The following CSMD1 variants were observed in gnomAD, a reference collection of about 807,000 sequenced individuals.
CSMD1 encodes CUB and sushi domain-containing protein 1.
Under a neutral mutation model 417.5 loss-of-function variants are expected in CSMD1, and 213 were observed. The observed-to-expected ratio is 0.51, with a 90% CI of 0.46 to 0.57. CSMD1 has a LOEUF of 0.57. CSMD1 is among the 20% of genes least tolerant of loss of function. The pLI, the probability that CSMD1 is intolerant of heterozygous loss-of-function variation, is 0.00. For synonymous variants in CSMD1, 2,862 were observed against 1,736.8 expected, an observed-to-expected ratio of 1.65 and a Z score of -16.11; for missense variants, 6,923 against 4,529.7, an observed-to-expected ratio of 1.53 and a Z score of -15.17.
chr8:4,499,310 A>G (rs1585169466), intron 2 of CSMD1, among the ~76,000 whole-genome samples: 2 of 152,232 alleles, frequency 1.3e-5, no homozygotes, highest in African/African-American at 4.8e-5. Context: ...AACGCTTGGG[A>G]TTAAGAACCA....
chr8:4,992,744 C>A (rs1811540079), intron 1 of CSMD1, among the ~76,000 whole-genome samples: 1 of 152,250 alleles, frequency 6.6e-6, no homozygotes, highest in Non-Finnish European at 1.5e-5. Flanking sequence ...CCGCAGCCGG[C>A]AATGTCAGAG....
At chr8:4,968,358 C>CAA (rs2117368710) in intron 1 of CSMD1, among the ~76,000 whole-genome samples, 1 of 151,958 alleles carries the variant, frequency 6.6e-6, no homozygotes, top group African/African-American at 2.4e-5. Context: ...TATCCACGTC[C>CAA]AAAACTTTTT....
At position 4,424,747 on chromosome 8, in the gene CSMD1, G is replaced by T. The variant is rs79057711; in HGVS notation, c.303-4682C>A. Among the ~76,000 whole-genome samples the T allele has an allele frequency of 7.6e-4, 116 of 152,132 alleles. 1 individual carries two copies. The highest frequency in any genetic ancestry group is 2.6e-3 in the African/African-American group (108 of 41,544). ...TTTGCCCTAGAAATGCTCATGATGGGAAACTGTCCCTATCTTCACCATAAT... is the reference window on the plus strand; with the variant it reads ...TTTGCCCTAGAAATGCTCATGATGGTAAACTGTCCCTATCTTCACCATAAT... On this transcript the variant is annotated intron_variant, in intron 2 of 69. Transcript: ENST00000635120.
rs1463251808 is a variant in CSMD1 at position 3,381,312 on chromosome 8, T to A, written c.2782+6182A>T. Among the ~76,000 whole-genome samples the A allele has an allele frequency of 2.0e-5, 3 of 152,086 alleles. No homozygotes were observed. The East Asian group carries it at 5.8e-4, about 29-fold the overall frequency. On this transcript the variant is annotated intron_variant, in intron 18 of 69. Coordinates refer to ENST00000635120, the MANE Select transcript of CSMD1 (RefSeq NM_033225.6). ...AGCTTACACACACCCTATGTTAAAATTCTATTTTTGTCTATAGTCCAAATT... is the reference window on the plus strand; with the variant it reads ...AGCTTACACACACCCTATGTTAAAAATCTATTTTTGTCTATAGTCCAAATT...
chr8:4,509,701 T>C (rs1802714427), intron 2 of CSMD1, among the ~76,000 whole-genome samples: 1 of 152,126 alleles, frequency 6.6e-6, no homozygotes, highest in African/African-American at 2.4e-5. Flanking sequence ...AATAGACACT[T>C]TTGACACTTA....
At chr8:3,798,105 A>G (rs889039917) in intron 5 of CSMD1, among the ~76,000 whole-genome samples, 4 of 151,840 alleles carry the variant, frequency 2.6e-5, no homozygotes, top group African/African-American at 9.7e-5. Context: ...TGGGTTTTTT[A>G]TTATTTATTT....
intron 12 of CSMD1, among the ~76,000 whole-genome samples, chr8:3,419,379 G>T (rs1380365524): frequency 1.1e-4 from 17 of 152,206 alleles, no homozygotes; most frequent in Non-Finnish European, 8.8e-5. Flanking sequence ...CTGATCACCA[G>T]ATGAAGCCAG....
chr8:3,161,766 A>G (rs1315020442), intron 38 of CSMD1, among the ~76,000 whole-genome samples: 1 of 152,122 alleles, frequency 6.6e-6, no homozygotes, highest in African/African-American at 2.4e-5. Context: ...GGCATTAATG[A>G]TGACTTATAC....
chr8:4,247,279 A>C (rs1336122072), intron 3 of CSMD1, among the ~76,000 whole-genome samples: 1 of 152,172 alleles, frequency 6.6e-6, no homozygotes, highest in Non-Finnish European at 1.5e-5. Flanking sequence ...AAAATCACTT[A>C]GATAATCAAT....
At chr8:4,536,712 G>A (rs562480593) in intron 2 of CSMD1, among the ~76,000 whole-genome samples, 47 of 152,172 alleles carry the variant, frequency 3.1e-4, no homozygotes, top group African/African-American at 1.1e-3. Flanking sequence ...AAAAAGTTTT[G>A]AGTATATGCC....
chr8:4,019,789 G>A (rs1796699359), intron 4 of CSMD1, among the ~76,000 whole-genome samples: 1 of 152,134 alleles, frequency 6.6e-6, no homozygotes, highest in East Asian at 1.9e-4. Flanking sequence ...GTAAAATAAA[G>A]TGACCCACTG....
At chr8:3,263,641 T>C (rs1036567070) in intron 26 of CSMD1, among the ~76,000 whole-genome samples, 1 of 152,206 alleles carries the variant, frequency 6.6e-6, no homozygotes, top group Non-Finnish European at 1.5e-5. Context: ...TGATAACATA[T>C]AGTTACCCAA....
intron 3 of CSMD1, among the ~76,000 whole-genome samples, chr8:4,313,064 G>C (rs895503062): frequency 7.2e-5 from 11 of 152,258 alleles, no homozygotes; most frequent in Middle Eastern, 3.4e-3. Context: ...AATGAATATA[G>C]TCCCATGATA....
chr8:3,299,249 C>T (rs113951275), intron 25 of CSMD1, among the ~76,000 whole-genome samples: 10 of 151,940 alleles, frequency 6.6e-5, no homozygotes, highest in Non-Finnish European at 4.4e-5. Flanking sequence ...GTCAGGAGTT[C>T]GAGACCAGCC....
At chr8:4,696,167 T>C (rs998021423) in intron 1 of CSMD1, among the ~76,000 whole-genome samples, 1 of 152,234 alleles carries the variant, frequency 6.6e-6, no homozygotes. Flanking sequence ...ATTCAATAAA[T>C]GTTTTAAAGC....
chr8:4,524,447 G>T (rs1796402017), intron 2 of CSMD1, among the ~76,000 whole-genome samples: 1 of 152,160 alleles, frequency 6.6e-6, no homozygotes, highest in South Asian at 2.1e-4. Context: ...GGTGATGCTT[G>T]TGGCTGAAAC....
intron 26 of CSMD1, among the ~76,000 whole-genome samples, chr8:3,255,395 C>G (rs1049243499): frequency 2.0e-5 from 3 of 152,208 alleles, no homozygotes; most frequent in African/African-American, 7.2e-5. Flanking sequence ...CTATGTAAAG[C>G]TGTCAGACAG....
At chr8:4,034,274 G>C (rs151015326) in intron 3 of CSMD1, among the ~76,000 whole-genome samples, 1,694 of 152,214 alleles carry the variant, frequency 0.011, 30 homozygotes, top group African/African-American at 0.038. Flanking sequence ...ATAAATACTA[G>C]TGTTTAGATA....
chr8:4,389,753 A>G (rs1485273142), intron 3 of CSMD1, among the ~76,000 whole-genome samples: 1 of 152,148 alleles, frequency 6.6e-6, no homozygotes, highest in Non-Finnish European at 1.5e-5. Flanking sequence ...ACACAAATAT[A>G]TTGTTTGCTT....
Sources: gnomAD v4.1 joint callset for allele counts (sites outside exome capture counted in the v4.1 genomes callset) on GRCh38, gnomAD v4.1.1 for gene constraint, MANE v1.5 for transcripts, NCBI Gene and HGNC (gene_info 2026-07-23, HGNC 2026-07-21) for gene names.